The following GPC5 variants were observed in gnomAD, a reference collection of about 807,000 sequenced individuals.
GPC5 encodes the protein glypican 5, also known as glypican-5.
GPC5 carries 47 observed loss-of-function variants against 53.9 expected under a neutral mutation model. The observed-to-expected ratio is 0.87, with a 90% CI of 0.69 to 1.11. The LOEUF is 1.11. GPC5 is among the 50% of genes most tolerant of loss of function. GPC5 has a pLI of 0.00. For missense variants in GPC5, 748 were observed against 713.1 expected (o/e 1.05, Z -0.56); for synonymous variants, 286 against 263.3 (o/e 1.09, Z -0.84).
At chr13:92,486,444 G>A (rs1879557635) in intron 7 of GPC5, among the ~76,000 whole-genome samples, 1 of 152,100 alleles carries the variant, frequency 6.6e-6, no homozygotes, top group Non-Finnish European at 1.5e-5. Context: ...GCTTCCTAAA[G>A]TGTGATGTAA....
chr13:92,378,614 T>C (rs2043713937), intron 7 of GPC5, among the ~76,000 whole-genome samples: 1 of 152,170 alleles, frequency 6.6e-6, no homozygotes, highest in Admixed American at 6.5e-5. Flanking sequence ...CTTAGTACCG[T>C]TACCTAATTT....
chr13:91,472,792 T>A (rs1882706871), intron 2 of GPC5, among the ~76,000 whole-genome samples: 1 of 152,192 alleles, frequency 6.6e-6, no homozygotes, highest in Non-Finnish European at 1.5e-5. Flanking sequence ...CTTGATCCCA[T>A]CAAAATGAAG....
At chr13:92,614,393 G>A (rs1036477862) in intron 7 of GPC5, among the ~76,000 whole-genome samples, 1 of 152,070 alleles carries the variant, frequency 6.6e-6, no homozygotes, top group Non-Finnish European at 1.5e-5. Context: ...CCCCGAAAAA[G>A]CCATTGTAAA....
intron 7 of GPC5, among the ~76,000 whole-genome samples, chr13:92,308,085 G>C (rs2043122564): frequency 6.6e-6 from 1 of 151,902 alleles, no homozygotes; most frequent in African/African-American, 2.4e-5. Flanking sequence ...AGTGTAGTAT[G>C]GTGGCTAAAA....
At chr13:92,527,137 AAAGAAAG>A (rs1594277631) in intron 7 of GPC5, among the ~76,000 whole-genome samples, 1 of 127,124 alleles carries the variant, frequency 7.9e-6, no homozygotes, top group Non-Finnish European at 1.7e-5. Flanking sequence ...AGAAAGAAAG[AAAGAAAG>A]AAAGAAAGAA....
intron 6 of GPC5, among the ~76,000 whole-genome samples, chr13:92,062,458 G>T (rs1213701891): frequency 1.3e-5 from 2 of 151,874 alleles, no homozygotes; most frequent in African/African-American, 2.4e-5. Context: ...GGCTATTAGT[G>T]GATGTTGTCA....
intron 2 of GPC5, among the ~76,000 whole-genome samples, chr13:91,476,556 A>G (rs1176994666): frequency 2.0e-5 from 3 of 152,204 alleles, no homozygotes; most frequent in Non-Finnish European, 4.4e-5. Context: ...GCTAAGGGCT[A>G]ATAAAAAGAT....
chr13:91,845,267 C>T (rs2038835559), intron 5 of GPC5, among the ~76,000 whole-genome samples: 1 of 151,824 alleles, frequency 6.6e-6, no homozygotes, highest in Non-Finnish European at 1.5e-5. Flanking sequence ...TGACACACAA[C>T]TGTTAGATTT....
At chr13:92,654,511 A>AG (rs1886061519) in intron 7 of GPC5, among the ~76,000 whole-genome samples, 1 of 151,094 alleles carries the variant, frequency 6.6e-6, no homozygotes. Context: ...ATCAGAAAAA[A>AG]TATATTAAAT....
At chr13:92,072,771 A>T (rs1276014336) in intron 6 of GPC5, among the ~76,000 whole-genome samples, 1 of 151,610 alleles carries the variant, frequency 6.6e-6, no homozygotes, top group Non-Finnish European at 1.5e-5. Context: ...GGTGGGGTTT[A>T]TGTTGGCCAG....
At chr13:92,644,613 G>C (rs1173238289) in intron 7 of GPC5, among the ~76,000 whole-genome samples, 1 of 152,114 alleles carries the variant, frequency 6.6e-6, no homozygotes, top group East Asian at 1.9e-4. Context: ...AAAAAAGGTA[G>C]ATCTTTACTT....
intron 6 of GPC5, among the ~76,000 whole-genome samples, chr13:91,976,902 G>A (rs2040307904): frequency 6.6e-6 from 1 of 152,016 alleles, no homozygotes; most frequent in Non-Finnish European, 1.5e-5. Flanking sequence ...TAGCTCGCAT[G>A]GTGGCACACA....
At chr13:91,668,827 A>G (rs2035178827) in intron 2 of GPC5, among the ~76,000 whole-genome samples, 1 of 152,216 alleles carries the variant, frequency 6.6e-6, no homozygotes, top group Non-Finnish European at 1.5e-5. Flanking sequence ...TTTAATAAAT[A>G]TAACTTAATC....
intron 7 of GPC5, among the ~76,000 whole-genome samples, chr13:92,606,834 G>A (rs1380179192): frequency 2.0e-5 from 3 of 152,018 alleles, no homozygotes; most frequent in Non-Finnish European, 4.4e-5. Flanking sequence ...TCTTGACCAT[G>A]AAGAAATCCT....
chr13:92,557,101 A>G (rs891055886), intron 7 of GPC5, among the ~76,000 whole-genome samples: 1 of 150,130 alleles, frequency 6.7e-6, no homozygotes, highest in Non-Finnish European at 1.5e-5. Flanking sequence ...CTCTGAGAGA[A>G]AAAAAAAAGG....
intron 7 of GPC5, among the ~76,000 whole-genome samples, chr13:92,236,959 G>C (rs536598395): frequency 2.0e-5 from 3 of 151,872 alleles, no homozygotes; most frequent in South Asian, 2.1e-4. Context: ...TATATAATTA[G>C]AGTGATATAA....
intron 7 of GPC5, among the ~76,000 whole-genome samples, chr13:92,596,168 A>G (rs1883874291): frequency 6.7e-6 from 1 of 148,780 alleles, no homozygotes; most frequent in Non-Finnish European, 1.5e-5. Context: ...AAGGCTGCAC[A>G]TTTAACTAGT....
At chr13:91,886,638 G>A (rs1217446712) in intron 5 of GPC5, among the ~76,000 whole-genome samples, 2 of 152,288 alleles carry the variant, frequency 1.3e-5, no homozygotes, top group African/African-American at 4.8e-5. Context: ...TACTCCCAAG[G>A]TATTTACGCC....
intron 7 of GPC5, among the ~76,000 whole-genome samples, chr13:92,701,918 A>G (rs1322461648): frequency 6.6e-6 from 1 of 152,168 alleles, no homozygotes; most frequent in Admixed American, 6.6e-5. Flanking sequence ...CAGGAAATAA[A>G]GGCCTCACAT....
Sources: gnomAD v4.1 joint callset for allele counts (sites outside exome capture counted in the v4.1 genomes callset) on GRCh38, gnomAD v4.1.1 for gene constraint, MANE v1.5 for transcripts, NCBI Gene and HGNC (gene_info 2026-07-23, HGNC 2026-07-21) for gene names.